Variants in EGFR observed in about 807,000 individuals in gnomAD.
The protein encoded by EGFR is avian erythroblastic leukemia viral (v-erb-b) oncogene homolog.
A neutral mutation model predicts 143.0 loss-of-function variants in EGFR; 58 were observed. That is an observed-to-expected ratio of 0.41 (90% CI 0.33 to 0.50). The LOEUF (loss-of-function observed/expected upper bound fraction) is 0.50. Among genes scored for constraint, EGFR ranks in the 20% least tolerant of loss-of-function variants. The pLI is 0.39. For synonymous variants in EGFR, 613 were observed against 594.4 expected (o/e 1.03, Z -0.45); for missense variants, 1,307 against 1,579.0 (o/e 0.83, Z 2.92).
chr7:55,127,314 G>A (rs969236327), intron 1 of EGFR, among the ~76,000 whole-genome samples: 17 of 152,048 alleles, frequency 1.1e-4, no homozygotes, highest in Non-Finnish European at 2.1e-4. Flanking sequence ...CAAACATCAC[G>A]GCCTTCTCAG....
At chr7:55,068,572 G>A (rs550313465) in intron 1 of EGFR, among the ~76,000 whole-genome samples, 10 of 152,262 alleles carry the variant, frequency 6.6e-5, no homozygotes, top group African/African-American at 2.2e-4. Flanking sequence ...CTAGCCGGGG[G>A]GCTCCGTGAG....
At chr7:55,199,766 G>T (rs184775991) in intron 23 of EGFR, among the ~76,000 whole-genome samples, 44 of 148,420 alleles carry the variant, frequency 3.0e-4, no homozygotes, top group Admixed American at 2.6e-3. Flanking sequence ...TGTGGAAGTT[G>T]CCAGCACAGC....
intron 27 of EGFR, chr7:55,202,896 A>C (rs1787915808): frequency 3.1e-5 from 20 of 649,448 alleles, no homozygotes; most frequent in Middle Eastern, 6.3e-4. Context: ...TCACGGACAT[A>C]CACATCTGTG....
At chr7:55,103,429 T>C (rs1791936463) in intron 1 of EGFR, among the ~76,000 whole-genome samples, 1 of 152,274 alleles carries the variant, frequency 6.6e-6, no homozygotes, top group South Asian at 2.1e-4. Context: ...TCTCCCTTCC[T>C]AACACCCTGT....
At chr7:55,078,961 C>T (rs1383877974) in intron 1 of EGFR, among the ~76,000 whole-genome samples, 2 of 152,200 alleles carry the variant, frequency 1.3e-5, no homozygotes, top group Admixed American at 1.3e-4. Context: ...TTCCCCACCC[C>T]AGGGAGCAGG....
chr7:55,098,189 G>A (rs571221448), intron 1 of EGFR, among the ~76,000 whole-genome samples: 22 of 152,318 alleles, frequency 1.4e-4, no homozygotes, highest in Admixed American at 2.6e-4. Flanking sequence ...AAAAATGAGG[G>A]TGTTGGTAGC....
intron 15 of EGFR, chr7:55,170,569 C>T (rs2128950949): frequency 6.2e-7 from 1 of 1,611,662 alleles, no homozygotes; most frequent in Non-Finnish European, 8.5e-7. Flanking sequence ...CGTGTCTGTT[C>T]CCCCCGCTTT....
intron 1 of EGFR, among the ~76,000 whole-genome samples, chr7:55,049,955 C>G (rs1048524908): frequency 2.0e-5 from 3 of 152,116 alleles, no homozygotes; most frequent in Admixed American, 1.3e-4. Flanking sequence ...TCACCTTCAC[C>G]CCCACCCTCA....
rs1396651256 is a variant in EGFR, at chr7:55,154,038, A to G, written c.775A>G (p.Thr259Ala). Residue 259 changes from threonine to alanine, a missense_variant, in exon 7 of 28, where the codon ACG (threonine) becomes GCG (alanine). By Grantham distance (58) the Thr-to-Ala change is moderately conservative (BLOSUM62 0). This residue lies in a region of EGFR where 311 missense variants were observed against 412.3 expected (regional missense o/e 0.75). Transcript: ENST00000275493. Reference sequence around the variant, plus strand: ...CTGCCGCAAATTCCGAGACGAAGCCACGTGCAAGGACACCTGCCCCCCACT... The same window carrying G: ...CTGCCGCAAATTCCGAGACGAAGCCGCGTGCAAGGACACCTGCCCCCCACT... ...LVCRKFRDEA[T>A]CKDTCPPLML... The G allele has an allele frequency of 6.2e-7, 1 of 1,614,158 alleles. No individual in the cohort carries two copies. The highest frequency in any genetic ancestry group is 8.5e-7 in the Non-Finnish European group (1 of 1,180,026).
intron 1 of EGFR, among the ~76,000 whole-genome samples, chr7:55,093,766 T>C (rs529995948): frequency 1.3e-5 from 2 of 152,322 alleles, no homozygotes; most frequent in South Asian, 2.1e-4. Flanking sequence ...TATCTTAATT[T>C]AGGGAGATGA....
rs117972396 is a variant in EGFR at position 55,100,624 on chromosome 7, G to A, written c.89-41662G>A. Among the ~76,000 whole-genome samples the A allele has an allele frequency of 8.3e-4, 127 of 152,302 alleles. 1 individual carries two copies. In the East Asian group the frequency reaches 0.021, roughly 25 times the overall value. ...GCTTTGAAAGGGGACCTCCACTTCC[G>A]CCCTGGGTGGAGCACCGTGCTGGAG... On this transcript the variant is annotated intron_variant, in intron 1 of 27. Coordinates refer to ENST00000275493, the MANE Select transcript of EGFR (RefSeq NM_005228.5).
Position 55,051,882 on chromosome 7 carries a change from C to T in EGFR, c.88+32517C>T, listed in dbSNP as rs960476676. ...AAACCTTTTCTTTGCCTGGAAAACTCCCCCCACAAATCTTTAGTTGTAGGT... is the reference window on the plus strand; with the variant it reads ...AAACCTTTTCTTTGCCTGGAAAACTTCCCCCACAAATCTTTAGTTGTAGGT... On this transcript the variant is annotated intron_variant, in intron 1 of 27. Coordinates refer to ENST00000275493, the MANE Select transcript of EGFR (RefSeq NM_005228.5). Among the ~76,000 whole-genome samples the T allele has an allele frequency of 2.0e-5, 3 of 152,152 alleles. No homozygotes were observed. The East Asian group carries it at 5.8e-4, about 29-fold the overall frequency.
chr7:55,027,991 AATATAT>A (rs374300539), intron 1 of EGFR, among the ~76,000 whole-genome samples: 34 of 54,996 alleles, frequency 6.2e-4, no homozygotes, highest in South Asian at 3.4e-3. Flanking sequence ...AAAAAAAAAA[AATATAT>A]ATATATATAT....
At position 55,208,737 on chromosome 7, in the gene EGFR, T is replaced by C. The variant is rs1788169595; in HGVS notation, c.*3120T>C. ...AGGTGTTTGCTGAAAGTTCTTGATG[T>C]TGTGACTTACCACCCCTGCCTCACA... is the stretch of plus-strand genomic sequence containing the variant. On this transcript the variant is annotated 3_prime_UTR_variant, in exon 28 of 28. Transcript: ENST00000275493. 1 of 152,134 alleles carries C rather than the reference T, an allele frequency of 6.6e-6. No individual in the cohort carries two copies. Among genetic ancestry groups the C allele is most frequent in the Non-Finnish European group, 1.5e-5 (1 of 68,006 alleles). 9.4% of individuals were successfully genotyped at this position (152,134 alleles called of 1,614,324 possible).
intron 1 of EGFR, among the ~76,000 whole-genome samples, chr7:55,100,010 T>C (rs1791709872): frequency 6.6e-6 from 1 of 152,212 alleles, no homozygotes; most frequent in Non-Finnish European, 1.5e-5. Flanking sequence ...TAAATTTTTG[T>C]TCTGAGAGAC....
intron 7 of EGFR, among the ~76,000 whole-genome samples, chr7:55,155,607 G>C (rs1043845606): frequency 6.6e-6 from 1 of 152,236 alleles, no homozygotes; most frequent in Non-Finnish European, 1.5e-5. Context: ...TTCCTGCCAT[G>C]ATGAAACACC....
chr7:55,113,525 C>CA (rs975081755), intron 1 of EGFR, among the ~76,000 whole-genome samples: 38 of 152,276 alleles, frequency 2.5e-4, no homozygotes, highest in African/African-American at 8.7e-4. Context: ...GTTTTCCCCC[C>CA]ACAGACAAGT....
At chr7:55,106,860 A>G (rs1792164607) in intron 1 of EGFR, among the ~76,000 whole-genome samples, 3 of 152,196 alleles carry the variant, frequency 2.0e-5, no homozygotes, top group Admixed American at 2.0e-4. Context: ...AGATCCTGGT[A>G]AAAATCTATC....
intron 15 of EGFR, chr7:55,166,429 T>G: frequency 2.0e-6 from 1 of 500,566 alleles, no homozygotes; most frequent in Non-Finnish European, 3.9e-6. Flanking sequence ...GTGCCTCACT[T>G]TCTTTTCTGT....
Sources: gnomAD v4.1 joint callset for allele counts (sites outside exome capture counted in the v4.1 genomes callset) on GRCh38, gnomAD v4.1.1 for gene constraint, gnomAD v4.1.1 regional missense constraint, MANE v1.5 for transcripts, NCBI Gene and HGNC (gene_info 2026-07-23, HGNC 2026-07-21) for gene names.